Variants in RBFOX1 observed in about 807,000 individuals in gnomAD.
The protein encoded by RBFOX1 is RNA binding protein fox-1 homolog 1.
In RBFOX1, 8 loss-of-function variants were observed where a neutral mutation model predicts 57.7. The ratio of observed to expected loss-of-function variants is 0.14; its 90% CI spans 0.08 to 0.25. RBFOX1 has a LOEUF of 0.25. Among genes scored for constraint, RBFOX1 ranks in the 10% least tolerant of loss-of-function variants. The pLI, the probability that RBFOX1 is intolerant of heterozygous loss-of-function variation, is 1.00. For missense variants in RBFOX1, 611 were observed against 548.5 expected, an observed-to-expected ratio of 1.11 and a Z score of -1.14; for synonymous variants, 326 against 222.4, an observed-to-expected ratio of 1.47 and a Z score of -4.15.
At chr16:6,659,179 TGAGAG>T (rs1021643810) in intron 3 of RBFOX1, among the ~76,000 whole-genome samples, 25 of 152,182 alleles carry the variant, frequency 1.6e-4, no homozygotes, top group African/African-American at 6.0e-4. Context: ...ATTCAGGTGA[TGAGAG>T]GAGAGGCTGA....
intron 4 of RBFOX1, among the ~76,000 whole-genome samples, chr16:7,079,020 G>T (rs1422827424): frequency 6.6e-6 from 1 of 151,594 alleles, no homozygotes; most frequent in Non-Finnish European, 1.5e-5. Flanking sequence ...GGGAGTTAGG[G>T]TTTCAAAATA....
chr16:6,625,314 A>G (rs1461977936), intron 2 of RBFOX1, among the ~76,000 whole-genome samples: 1 of 152,170 alleles, frequency 6.6e-6, no homozygotes, highest in East Asian at 1.9e-4. Flanking sequence ...ATTAGAAAGA[A>G]CTAAAAAATG....
At chr16:7,432,699 G>T (rs1598311981) in intron 4 of RBFOX1, among the ~76,000 whole-genome samples, 1 of 152,200 alleles carries the variant, frequency 6.6e-6, no homozygotes, top group African/African-American at 2.4e-5. Flanking sequence ...ATGGTTGGCT[G>T]AATCTGGCCT....
chr16:6,039,727 G>T (rs192632763), intron 1 of RBFOX1, among the ~76,000 whole-genome samples: 1 of 152,140 alleles, frequency 6.6e-6, no homozygotes, highest in Non-Finnish European at 1.5e-5. Flanking sequence ...CTTTTTCTGG[G>T]TTAACATATT....
intron 4 of RBFOX1, among the ~76,000 whole-genome samples, chr16:7,438,196 T>C (rs1206799435): frequency 6.6e-6 from 1 of 152,342 alleles, no homozygotes; most frequent in East Asian, 1.9e-4. Context: ...GTTAATTTAC[T>C]AACCAGGGTA....
chr16:6,947,528 G>C (rs2079803202), intron 3 of RBFOX1, among the ~76,000 whole-genome samples: 1 of 152,182 alleles, frequency 6.6e-6, no homozygotes, highest in Admixed American at 6.5e-5. Context: ...TGTGAGATGA[G>C]AGAAATCCTC....
chr16:7,685,064 AG>A (rs1446137641), intron 14 of RBFOX1, among the ~76,000 whole-genome samples: 1 of 152,058 alleles, frequency 6.6e-6, no homozygotes, highest in African/African-American at 2.4e-5. Flanking sequence ...GCTCACCAGG[AG>A]CCTGTGAGAA....
At chr16:7,678,051 C>A (rs2073840311) in intron 14 of RBFOX1, among the ~76,000 whole-genome samples, 1 of 152,164 alleles carries the variant, frequency 6.6e-6, no homozygotes, top group African/African-American at 2.4e-5. Flanking sequence ...ATTTTGAAAA[C>A]CCCATGCATA....
At chr16:5,783,983 G>A (rs11076966) in intron 3 of RBFOX1, among the ~76,000 whole-genome samples, 53,053 of 151,922 alleles carry the variant, frequency 0.35, 9,960 homozygotes, top group East Asian at 0.55. Flanking sequence ...TTACCTTGCT[G>A]TAAAAACTTA....
At chr16:6,779,242 C>T (rs1159607177) in intron 3 of RBFOX1, among the ~76,000 whole-genome samples, 2 of 151,954 alleles carry the variant, frequency 1.3e-5, no homozygotes, top group Admixed American at 6.6e-5. Flanking sequence ...TTTTTAGCTC[C>T]CGCATTTGTA....
chr16:5,923,583 C>A lies in RBFOX1; in HGVS notation c.351+56248C>A, dbSNP rs566992733. Among the ~76,000 whole-genome samples, 995 of 148,874 alleles carry A rather than the reference C, an allele frequency of 6.7e-3. 7 individuals carry two copies. The highest frequency in any genetic ancestry group is 0.011 in the South Asian group (49 of 4,600). ...TTGAGGTAGAGCCTTGCTGTGTGGC[C>A]CAGGCTCGAATGCAGTGGTGCGATC... On this transcript the variant is annotated intron_variant, in intron 4 of 19. Transcript: ENST00000641259.
chr16:6,146,628 C>A (rs991734507), intron 1 of RBFOX1, among the ~76,000 whole-genome samples: 6 of 152,068 alleles, frequency 3.9e-5, no homozygotes, highest in African/African-American at 1.4e-4. Context: ...ATATAAAGTC[C>A]TTAGGACGAT....
At chr16:7,448,739 C>G (rs2150127724) in intron 4 of RBFOX1, among the ~76,000 whole-genome samples, 1 of 152,274 alleles carries the variant, frequency 6.6e-6, no homozygotes, top group South Asian at 2.1e-4. Context: ...TTACTCCAAT[C>G]TCTGCCTGCA....
intron 1 of RBFOX1, among the ~76,000 whole-genome samples, chr16:5,412,796 C>A (rs1002620565): frequency 9.9e-5 from 15 of 152,250 alleles, no homozygotes; most frequent in African/African-American, 3.6e-4. Flanking sequence ...GGCACCTACA[C>A]ACATATCCAC....
intron 4 of RBFOX1, among the ~76,000 whole-genome samples, chr16:5,882,712 C>T (rs1047823799): frequency 2.6e-5 from 4 of 152,176 alleles, no homozygotes; most frequent in Non-Finnish European, 5.9e-5. Flanking sequence ...GTTTGTGCAG[C>T]AGAGGCCCCA....
At chr16:5,269,336 G>A (rs2062945264) in intron 1 of RBFOX1, among the ~76,000 whole-genome samples, 1 of 152,174 alleles carries the variant, frequency 6.6e-6, no homozygotes, top group Non-Finnish European at 1.5e-5. Flanking sequence ...GTGCTTATTG[G>A]CCACTTATAT....
chr16:6,678,229 T>A (rs1861042), intron 3 of RBFOX1, among the ~76,000 whole-genome samples: 102,369 of 151,682 alleles, frequency 0.67, 36,524 homozygotes, highest in East Asian at 0.81. Flanking sequence ...AGTTCAAGCA[T>A]TTATCCAACT....
At chr16:6,942,476 T>C (rs1021065980) in intron 3 of RBFOX1, among the ~76,000 whole-genome samples, 1 of 152,134 alleles carries the variant, frequency 6.6e-6, no homozygotes, top group African/African-American at 2.4e-5. Flanking sequence ...GCTTTAAGAA[T>C]GTTGACAACA....
chr16:7,589,685 T>A (rs1567979513), intron 7 of RBFOX1, among the ~76,000 whole-genome samples: 1 of 152,026 alleles, frequency 6.6e-6, no homozygotes, highest in Non-Finnish European at 1.5e-5. Context: ...ATATTTTTCA[T>A]AGTTGACATT....
Sources: gnomAD v4.1 joint callset for allele counts (sites outside exome capture counted in the v4.1 genomes callset) on GRCh38, gnomAD v4.1.1 for gene constraint, MANE v1.5 for transcripts, NCBI Gene and HGNC (gene_info 2026-07-23, HGNC 2026-07-21) for gene names.